Variants in STK3 observed in about 807,000 individuals in gnomAD.
The protein encoded by STK3 is serine/threonine kinase 3.
STK3 carries 41 observed loss-of-function variants against 58.0 expected under a neutral mutation model. That is an observed-to-expected ratio of 0.71 (90% CI 0.55 to 0.92). The LOEUF (loss-of-function observed/expected upper bound fraction) is 0.92. Ranked by LOEUF, STK3 falls within the 40% of genes least tolerant of loss-of-function variation. The pLI, the probability that STK3 is intolerant of heterozygous loss-of-function variation, is 0.00. For missense variants in STK3, 479 were observed against 602.7 expected, an observed-to-expected ratio of 0.79 and a Z score of 2.15; for synonymous variants, 170 against 191.0, an observed-to-expected ratio of 0.89 and a Z score of 0.91.
chr8:98,847,700 CT>C (rs903277650), intron 3 of STK3, among the ~76,000 whole-genome samples: 27 of 151,508 alleles, frequency 1.8e-4, no homozygotes, highest in Non-Finnish European at 3.1e-4. Flanking sequence ...CTTTTTCCCT[CT>C]TTTTTTAAAA....
At chr8:98,935,872 G>C (rs2132050369) in intron 1 of STK3, among the ~76,000 whole-genome samples, 1 of 152,116 alleles carries the variant, frequency 6.6e-6, no homozygotes, top group East Asian at 1.9e-4. Context: ...ACTACTAAGA[G>C]CATTAATATG....
At chr8:98,483,053 C>T (rs1821976026) in intron 10 of STK3, among the ~76,000 whole-genome samples, 1 of 152,104 alleles carries the variant, frequency 6.6e-6, no homozygotes, top group South Asian at 2.1e-4. Context: ...AAGGGAGAAG[C>T]TCTCTAACTG....
chr8:98,408,453 G>A (rs972528635), intron 3 of STK3, among the ~76,000 whole-genome samples: 2 of 152,200 alleles, frequency 1.3e-5, no homozygotes, highest in Non-Finnish European at 2.9e-5. Flanking sequence ...TAGTGGAAGT[G>A]CACATTGCCA....
At chr8:98,757,007 T>G (rs1830325471) in intron 3 of STK3, among the ~76,000 whole-genome samples, 1 of 152,036 alleles carries the variant, frequency 6.6e-6, no homozygotes, top group Non-Finnish European at 1.5e-5. Context: ...CAAACATTCT[T>G]GTCCACTTCT....
In STK3 at chr8:98,401,895, C is replaced by T. The variant is rs116800711; in HGVS notation, n.484-382G>A. On this transcript the variant is annotated intron_variant and non_coding_transcript_variant, in intron 3 of 3. Coordinates refer to the STK3 transcript ENST00000517832. Reference sequence around the variant, plus strand: ...TACTGGAGCTAATTGAGGTTACAGACGAGCAATTATTCTTGTGCGCATGCA... The same window carrying T: ...TACTGGAGCTAATTGAGGTTACAGATGAGCAATTATTCTTGTGCGCATGCA... Among the ~76,000 whole-genome samples, 260 of 152,140 alleles carry T rather than the reference C, an allele frequency of 1.7e-3. 1 individual carries two copies. Among genetic ancestry groups the T allele is most frequent in the East Asian group, 0.013 (65 of 5,184 alleles).
chr8:98,538,020 T>A (rs540222357), intron 9 of STK3, among the ~76,000 whole-genome samples: 178 of 152,250 alleles, frequency 1.2e-3, no homozygotes, highest in Admixed American at 2.6e-3. Context: ...AAGTAATTTT[T>A]AAAAATACTT....
Position 98,814,350 on chromosome 8 carries a change from ATT to A in STK3, c.26+11163_26+11164del, listed in dbSNP as rs34675136. Among the ~76,000 whole-genome samples, 887 of 134,830 alleles carry A rather than the reference ATT, an allele frequency of 6.6e-3. 2 individuals are homozygous for A. Among genetic ancestry groups the A allele is most frequent in the African/African-American group, 0.014 (511 of 36,352 alleles). 88.5% of individuals were successfully genotyped at this position (134,830 alleles called of 152,430 possible). ...ACAGCCGTGAGCCACCGCGCCCAGC[ATT>A]TTTTTTTTTTTTTTTTGTCACCCAA... On this transcript the variant is annotated intron_variant, in intron 1 of 10. Coordinates refer to ENST00000419617, the MANE Select transcript of STK3 (RefSeq NM_006281.4).
At chr8:98,616,519 G>A (rs1322889231) in intron 6 of STK3, among the ~76,000 whole-genome samples, 5 of 143,538 alleles carry the variant, frequency 3.5e-5, no homozygotes, top group African/African-American at 1.3e-4. Context: ...AGACTGGCAA[G>A]TTGGATAAAG....
At chr8:98,776,060 C>T (rs1049235914) in intron 1 of STK3, among the ~76,000 whole-genome samples, 1 of 151,554 alleles carries the variant, frequency 6.6e-6, no homozygotes, top group African/African-American at 2.4e-5. Flanking sequence ...AAGGCCATCA[C>T]TGATGAAAAT....
At chr8:98,630,791 G>C (rs917533991) in intron 6 of STK3, among the ~76,000 whole-genome samples, 2 of 146,364 alleles carry the variant, frequency 1.4e-5, no homozygotes, top group Admixed American at 1.4e-4. Context: ...AAGAGGAAGA[G>C]GAAGAAGAGG....
At chr8:98,378,727 C>T (rs1346995623) in intron 2 of STK3, among the ~76,000 whole-genome samples, 1 of 152,158 alleles carries the variant, frequency 6.6e-6, no homozygotes, top group African/African-American at 2.4e-5. Context: ...AGTCCCTTCT[C>T]TGGCTGCTTT....
At chr8:98,466,713 GTGTA>G (rs1415517134) in intron 10 of STK3, among the ~76,000 whole-genome samples, 1 of 152,212 alleles carries the variant, frequency 6.6e-6, no homozygotes, top group Non-Finnish European at 1.5e-5. Flanking sequence ...CAGAAAGCGT[GTGTA>G]TGTATTTCCT....
intron 6 of STK3, among the ~76,000 whole-genome samples, chr8:98,632,025 T>C (rs1372283440): frequency 6.6e-6 from 1 of 152,222 alleles, no homozygotes; most frequent in Non-Finnish European, 1.5e-5. Context: ...ATTGGAACTT[T>C]GTTTCATTCA....
chr8:98,806,974 G>A (rs1028498791), intron 1 of STK3, among the ~76,000 whole-genome samples: 3 of 151,840 alleles, frequency 2.0e-5, no homozygotes, highest in Non-Finnish European at 2.9e-5. Flanking sequence ...CTAACACAGC[G>A]AAACCCCGTC....
At chr8:98,493,785 C>A (rs1318916039) in intron 10 of STK3, among the ~76,000 whole-genome samples, 1 of 152,138 alleles carries the variant, frequency 6.6e-6, no homozygotes, top group African/African-American at 2.4e-5. Flanking sequence ...ACTTATATAA[C>A]CAAAATGAAT....
intron 6 of STK3, among the ~76,000 whole-genome samples, chr8:98,656,705 C>T (rs972237489): frequency 1.3e-5 from 2 of 151,984 alleles, no homozygotes; most frequent in African/African-American, 4.8e-5. Context: ...ATTTAGTATG[C>T]TTCCAGTCAC....
chr8:98,384,527 T>A (rs150620621), intron 1 of STK3, among the ~76,000 whole-genome samples: 7 of 152,348 alleles, frequency 4.6e-5, no homozygotes, highest in African/African-American at 1.7e-4. Flanking sequence ...TACAAAGACT[T>A]GGCCTCTGTG....
intron 1 of STK3, among the ~76,000 whole-genome samples, chr8:98,939,883 C>T (rs1043139436): frequency 6.6e-6 from 1 of 152,236 alleles, no homozygotes; most frequent in African/African-American, 2.4e-5. Context: ...GAGCCCCCCT[C>T]TCCCCGGATG....
chr8:98,740,192 T>A (rs1829067011), intron 4 of STK3, among the ~76,000 whole-genome samples: 1 of 152,136 alleles, frequency 6.6e-6, no homozygotes, highest in South Asian at 2.1e-4. Context: ...CCAGGAGAAC[T>A]TCCCCAATCT....
Sources: gnomAD v4.1 joint callset for allele counts (sites outside exome capture counted in the v4.1 genomes callset) on GRCh38, gnomAD v4.1.1 for gene constraint, MANE v1.5 for transcripts, NCBI Gene and HGNC (gene_info 2026-07-23, HGNC 2026-07-21) for gene names.